Variants in NLRP9 observed in about 807,000 individuals in gnomAD.
The protein encoded by NLRP9 is NACHT, LRR and PYD domains-containing protein 9.
A neutral mutation model predicts 83.1 loss-of-function variants in NLRP9; 88 were observed. The observed-to-expected ratio is 1.06, with a 90% CI of 0.89 to 1.26. The LOEUF (loss-of-function observed/expected upper bound fraction) is 1.26. Ranked by LOEUF, NLRP9 falls within the 50% of genes most tolerant of loss-of-function variation. The pLI is 0.00. For missense variants in NLRP9, 1,308 were observed against 1,179.3 expected (o/e 1.11, Z -1.60); for synonymous variants, 521 against 447.6 (o/e 1.16, Z -2.07).
chr19:55,724,099 T>G lies in NLRP9; in HGVS notation c.2040A>C (p.Ala680=). 3.7e-6 allele frequency: 6 copies of G among 1,613,412 alleles called. No homozygotes were observed. Among genetic ancestry groups the G allele is most frequent in the Non-Finnish European group, 5.1e-6 (6 of 1,179,458 alleles). ...YFGHDSELFK[A]VLHNPHLKLL... is the part of the protein sequence containing the mutation. ...GTTTCAGATGAGGGTTGTGAAGAAC[T>G]GCCTTAAATAATTCTGAATCATGTC... The change falls in exon 4 of 9, where the codon GCA becomes GCC. Residue 680 remains alanine (A), a synonymous_variant. Coordinates refer to ENST00000332836, the MANE Select transcript of NLRP9 (RefSeq NM_176820.4).
At position 55,733,456 on chromosome 19, in the gene NLRP9, T is replaced by C; in HGVS notation, c.375A>G (p.Lys125=). The C allele has an allele frequency of 6.2e-7, 1 of 1,613,978 alleles. No individual in the cohort carries two copies. The highest frequency in any genetic ancestry group is 8.5e-7 in the Non-Finnish European group (1 of 1,179,866). ...CTTTATACTCATTTTTCATGGTTTC[T>C]TTGTAGAAATGCTCAGGGACGTGAA... The part of the protein sequence containing the change: ...TCLHVPEHFY[K]ETMKNEYKEL... Residue 125 remains lysine (K), a synonymous_variant, in exon 2 of 9, where the codon AAA becomes AAG. Transcript: ENST00000332836.
At position 55,709,063 on chromosome 19, in the gene NLRP9, A is replaced by AT; in HGVS notation, c.2844-20_2844-19insA. The AT allele has an allele frequency of 6.5e-7, 1 of 1,547,220 alleles. No homozygotes were observed. Among genetic ancestry groups the AT allele is most frequent in the South Asian group, 1.3e-5 (1 of 79,490 alleles). ...GTGCAGCCTGGGAAAATAGAAATAA[A>AT]GTTTTTTTTTTTGTTTTTCATTTTT... On this transcript the variant is annotated intron_variant, in intron 8 of 8. Coordinates refer to ENST00000332836, the MANE Select transcript of NLRP9 (RefSeq NM_176820.4).
chr19:55,736,906 C>G (rs1346941573), intron 1 of NLRP9, among the ~76,000 whole-genome samples: 1 of 150,766 alleles, frequency 6.6e-6, no homozygotes, highest in African/African-American at 2.4e-5. Context: ...AAATAAAATA[C>G]CCTCAAGCAT....
At chr19:55,713,372 CAT>C (rs909261681) in intron 6 of NLRP9, among the ~76,000 whole-genome samples, 28 of 151,818 alleles carry the variant, frequency 1.8e-4, no homozygotes, top group African/African-American at 6.3e-4. Flanking sequence ...TGACAGATGA[CAT>C]ATAGATACAT....
At chr19:55,709,153 A>T (rs1987593286) in intron 8 of NLRP9, 109 bp from the exon 9 acceptor site, 1 of 718,734 alleles carries the variant, frequency 1.4e-6, no homozygotes. Flanking sequence ...TTTCCTAGAA[A>T]TCACTGGGAG....
At position 55,712,580 on chromosome 19, in the gene NLRP9, A is replaced by C; in HGVS notation, c.2512T>G (p.Cys838Gly). The C allele has an allele frequency of 6.2e-7, 1 of 1,612,300 alleles. No homozygotes were observed. Among genetic ancestry groups the C allele is most frequent in the Non-Finnish European group, 8.5e-7 (1 of 1,179,818 alleles). ...TTACAGGAATCGGAAGTAAGGAAAC[A>C]GCCCATCAACCTGGGGAGGTGGAAG... ...CSIRELWLMGCFLTSDSCKDI... is the reference protein window; with the variant it reads ...CSIRELWLMGGFLTSDSCKDI... The change falls in exon 7 of 9, where the codon TGT (cysteine) becomes GGT (glycine). Residue 838 changes from cysteine (C) to glycine (G), a missense_variant. By Grantham distance (159) the Cys-to-Gly change is radical. Transcript: ENST00000332836.
chr19:55,719,348 T>TCA (rs891048081), intron 4 of NLRP9, among the ~76,000 whole-genome samples: 2 of 152,158 alleles, frequency 1.3e-5, no homozygotes, highest in Admixed American at 1.3e-4. Context: ...AGACGGGGTT[T>TCA]CACCATGTTG....
chr19:55,725,537 G>A (rs1988373293), intron 3 of NLRP9, among the ~76,000 whole-genome samples: 1 of 152,204 alleles, frequency 6.6e-6, no homozygotes, highest in Non-Finnish European at 1.5e-5. Flanking sequence ...TCACAGAGGG[G>A]AACAGCAGGC....
chr19:55,719,624 C>T (rs1988158022), intron 4 of NLRP9, among the ~76,000 whole-genome samples: 1 of 152,198 alleles, frequency 6.6e-6, no homozygotes, highest in Non-Finnish European at 1.5e-5. Context: ...ATCTTCTGTG[C>T]CGCATAGAAA....
At position 55,732,818 on chromosome 19, in the gene NLRP9, A is replaced by C. The variant is rs765195107; in HGVS notation, c.1013T>G (p.Phe338Cys). ...GPLFILCHNPFTCWLVCTCVK... is the reference protein window; with the variant it reads ...GPLFILCHNPCTCWLVCTCVK... Reference sequence around the variant, plus strand: ...ACAAGTACAGACCAACCAGCACGTAAAGGGATTATGGCACAAGATAAACAG... The same window carrying C: ...ACAAGTACAGACCAACCAGCACGTACAGGGATTATGGCACAAGATAAACAG... Residue 338 changes from phenylalanine to cysteine, a missense_variant, in exon 2 of 9, where the codon TTT (phenylalanine) becomes TGT (cysteine). Coordinates refer to ENST00000332836, the MANE Select transcript of NLRP9 (RefSeq NM_176820.4). 3.1e-6 allele frequency: 5 copies of C among 1,614,176 alleles called. No individual in the cohort carries two copies. Among genetic ancestry groups the C allele is most frequent in the Non-Finnish European group, 4.2e-6 (5 of 1,180,036 alleles).
intron 6 of NLRP9, among the ~76,000 whole-genome samples, chr19:55,713,600 C>T (rs1987867615): frequency 7.5e-6 from 1 of 133,900 alleles, no homozygotes; most frequent in Non-Finnish European, 1.7e-5. Flanking sequence ...TCCTCCTCCT[C>T]TCCCTCCTCC....
At chr19:55,722,862 C>A (rs768669237) in intron 4 of NLRP9, among the ~76,000 whole-genome samples, 1 of 152,016 alleles carries the variant, frequency 6.6e-6, no homozygotes, top group African/African-American at 2.4e-5. Context: ...ATGGATGAAA[C>A]CGGAAACCAT....
intron 8 of NLRP9, chr19:55,711,562 G>A (rs1413968028): frequency 1.9e-6 from 2 of 1,069,616 alleles, no homozygotes; most frequent in South Asian, 1.3e-5. Flanking sequence ...AGCTCTTTTT[G>A]ATTGTCACAA....
intron 4 of NLRP9, 143 bp downstream of exon 4, chr19:55,723,837 T>C: frequency 3.1e-6 from 2 of 636,426 alleles, no homozygotes; most frequent in East Asian, 5.6e-5. Context: ...ACCTTCACCT[T>C]ATGAGAGAGA....
chr19:55,708,918 G>T lies in NLRP9; in HGVS notation c.2970C>A (p.Leu990=). The stretch of plus-strand genomic sequence containing the variant: ...TACTTCAGGGTGTTCCCCATCAGAG[G>T]AGCACACCCCTGATCTTGTATTCCT... The part of the protein sequence containing the change: ...IDEEYKIRGV[L]L Residue 990 remains leucine (L), a synonymous_variant, in exon 9 of 9, where the codon CTC becomes CTA. Transcript: ENST00000332836. 2 of 1,544,354 alleles carry T rather than the reference G, an allele frequency of 1.3e-6. No individual in the cohort carries two copies. The highest frequency in any genetic ancestry group is 1.7e-6 in the Non-Finnish European group (2 of 1,154,858).
At chr19:55,735,068 G>A (rs76606931) in intron 1 of NLRP9, among the ~76,000 whole-genome samples, 1,744 of 152,274 alleles carry the variant, frequency 0.011, 41 homozygotes, top group East Asian at 0.089. Context: ...GGGACTGGAC[G>A]GAAGGAGATT....
At chr19:55,721,356 G>A (rs1988220211) in intron 4 of NLRP9, among the ~76,000 whole-genome samples, 1 of 152,124 alleles carries the variant, frequency 6.6e-6, no homozygotes, top group African/African-American at 2.4e-5. Flanking sequence ...TTTGTCATAA[G>A]GGTTTCCAGA....
chr19:55,717,803 C>G (rs191863187), intron 4 of NLRP9, among the ~76,000 whole-genome samples: 1 of 152,274 alleles, frequency 6.6e-6, no homozygotes, highest in East Asian at 1.9e-4. Context: ...TGTGATGAAA[C>G]CTCCATAAAA....
chr19:55,724,363 C>T (rs1988336461), intron 3 of NLRP9, among the ~76,000 whole-genome samples: 1 of 152,098 alleles, frequency 6.6e-6, no homozygotes, highest in African/African-American at 2.4e-5. Flanking sequence ...TCTTCCTAGC[C>T]CCTCCACTTC....
Sources: gnomAD v4.1 joint callset for allele counts (sites outside exome capture counted in the v4.1 genomes callset) on GRCh38, gnomAD v4.1.1 for gene constraint, MANE v1.5 for transcripts, NCBI Gene and HGNC (gene_info 2026-07-23, HGNC 2026-07-21) for gene names.